Variants in FAXC observed in about 807,000 individuals in gnomAD.
FAXC encodes the protein failed axon connections homolog, metaxin like GST domain containing.
FAXC carries 10 observed loss-of-function variants against 41.9 expected under a neutral mutation model. The ratio of observed to expected loss-of-function variants is 0.24; its 90% CI spans 0.15 to 0.41. FAXC has a LOEUF of 0.41. Among genes scored for constraint, FAXC ranks in the 10% least tolerant of loss-of-function variants. FAXC has a pLI of 1.00. For synonymous variants in FAXC, 183 were observed against 183.8 expected (o/e 1.00, Z 0.03); for missense variants, 399 against 510.9 (o/e 0.78, Z 2.11).
intron 4 of FAXC, among the ~76,000 whole-genome samples, chr6:99,311,569 C>T (rs148241504): frequency 2.1e-3 from 319 of 152,028 alleles, no homozygotes; most frequent in Admixed American, 5.2e-3. Flanking sequence ...AGCAAGACTC[C>T]GTCTCAAAAA....
At chr6:99,309,111 C>T (rs1012809465) in intron 4 of FAXC, among the ~76,000 whole-genome samples, 13 of 152,074 alleles carry the variant, frequency 8.5e-5, no homozygotes, top group African/African-American at 3.1e-4. Flanking sequence ...CTGAGCCTTC[C>T]CATTCTATAT....
At chr6:99,307,106 A>G (rs1771954535) in intron 4 of FAXC, among the ~76,000 whole-genome samples, 1 of 152,164 alleles carries the variant, frequency 6.6e-6, no homozygotes, top group African/African-American at 2.4e-5. Flanking sequence ...GAAGCTTCCT[A>G]CTTCCAAAAA....
At chr6:99,336,145 G>T (rs184641271) in intron 2 of FAXC, among the ~76,000 whole-genome samples, 56 of 152,118 alleles carry the variant, frequency 3.7e-4, no homozygotes, top group Admixed American at 8.5e-4. Flanking sequence ...CAAACTCCTG[G>T]GCTCAAGCAA....
chr6:99,308,455 T>C (rs982485413), intron 4 of FAXC, among the ~76,000 whole-genome samples: 2 of 152,208 alleles, frequency 1.3e-5, no homozygotes, highest in African/African-American at 4.8e-5. Context: ...CTTTGTCAAT[T>C]TGTGCATCTT....
chr6:99,341,072 G>T (rs996191156), intron 2 of FAXC, among the ~76,000 whole-genome samples: 4 of 152,126 alleles, frequency 2.6e-5, no homozygotes, highest in Non-Finnish European at 5.9e-5. Flanking sequence ...TAATGTGTTT[G>T]TATTATAACA....
At chr6:99,328,857 C>T (rs1184313815) in intron 3 of FAXC, among the ~76,000 whole-genome samples, 1 of 152,200 alleles carries the variant, frequency 6.6e-6, no homozygotes, top group African/African-American at 2.4e-5. Context: ...TGGCCACTAA[C>T]ACTCATTCAT....
At chr6:99,282,490 G>A (rs1045722918) in intron 5 of FAXC, among the ~76,000 whole-genome samples, 9 of 152,064 alleles carry the variant, frequency 5.9e-5, no homozygotes, top group African/African-American at 9.7e-5. Context: ...CTCAGGATCC[G>A]GGTCCCACTC....
chr6:99,312,608 G>A (rs1293055577), intron 4 of FAXC, among the ~76,000 whole-genome samples: 1 of 152,010 alleles, frequency 6.6e-6, no homozygotes, highest in Non-Finnish European at 1.5e-5. Flanking sequence ...GAAAGTGAGA[G>A]CAAGCGCCTA....
chr6:99,295,763 A>T (rs1771468044), intron 4 of FAXC, among the ~76,000 whole-genome samples: 1 of 152,238 alleles, frequency 6.6e-6, no homozygotes, highest in South Asian at 2.1e-4. Context: ...ATTAACCGTA[A>T]CCATGTGGTA....
intron 5 of FAXC, among the ~76,000 whole-genome samples, chr6:99,286,908 C>T (rs1771048661): frequency 6.6e-6 from 1 of 152,142 alleles, no homozygotes; most frequent in Non-Finnish European, 1.5e-5. Flanking sequence ...TCAGACTTTG[C>T]TCATGAGAAT....
At chr6:99,343,982 C>A (rs775209157) in intron 1 of FAXC, among the ~76,000 whole-genome samples, 1 of 152,148 alleles carries the variant, frequency 6.6e-6, no homozygotes, top group Non-Finnish European at 1.5e-5. Flanking sequence ...GACTTCCCTG[C>A]ATACAGCTTT....
chr6:99,332,327 A>T (rs1175409414), intron 3 of FAXC, among the ~76,000 whole-genome samples: 1 of 152,170 alleles, frequency 6.6e-6, no homozygotes, highest in African/African-American at 2.4e-5. Flanking sequence ...AATAAAAGCT[A>T]CTGGGCCAGC....
At chr6:99,291,117 T>C (rs1771222256) in intron 5 of FAXC, among the ~76,000 whole-genome samples, 1 of 152,232 alleles carries the variant, frequency 6.6e-6, no homozygotes, top group Non-Finnish European at 1.5e-5. Flanking sequence ...GCTGCTCTGC[T>C]ACTCTTAGTG....
chr6:99,347,552 A>C (rs6925239), intron 1 of FAXC, among the ~76,000 whole-genome samples: 133,115 of 152,228 alleles, frequency 0.87, 58,696 homozygotes, highest in East Asian at 1. Context: ...CTCCAGTGAC[A>C]ACACCTGCCA....
chr6:99,323,324 A>G (rs560305353), intron 4 of FAXC, 120 bp downstream of exon 4: 10 of 830,604 alleles, frequency 1.2e-5, no homozygotes, highest in African/African-American at 8.6e-5. Flanking sequence ...ACTGCAATCT[A>G]CACATGGAAG....
At position 99,273,943 on chromosome 6, in the gene FAXC, T is replaced by C. The variant is rs1265767135; in HGVS notation, c.*7221A>G. The C allele has an allele frequency of 6.6e-6, 1 of 152,128 alleles. No individual in the cohort carries two copies. Among genetic ancestry groups the C allele is most frequent in the African/African-American group, 2.4e-5 (1 of 41,424 alleles). The allele number at this position is 152,128 out of a possible 1,614,324, so 9.4% of individuals were successfully genotyped here. ...GGGCATGCTCAGAAAGTTTTACTAA[T>C]AGGGTGAATAAACATAAACGTTTGG... On this transcript the variant is annotated 3_prime_UTR_variant, in exon 6 of 6. Transcript: ENST00000389677.
At chr6:99,293,818 C>A (rs1771354837) in intron 4 of FAXC, among the ~76,000 whole-genome samples, 1 of 151,942 alleles carries the variant, frequency 6.6e-6, no homozygotes, top group East Asian at 1.9e-4. Flanking sequence ...CCTTATACCA[C>A]ATTTACTACA....
In FAXC at chr6:99,304,641, C is replaced by T. The variant is rs1307560064; in HGVS notation, c.824-12821G>A. The stretch of plus-strand genomic sequence containing the variant: ...ATATGTATTATAACATTGTGGATTG[C>T]CTCAACTGACCTTGGGAAGTTAGTA... On this transcript the variant is annotated intron_variant, in intron 4 of 5. Transcript: ENST00000389677. Among the ~76,000 whole-genome samples, 4 of 152,110 alleles carry T rather than the reference C, an allele frequency of 2.6e-5. No individual in the cohort carries two copies. In the East Asian group the frequency reaches 7.7e-4, roughly 29 times the overall value.
At chr6:99,325,770 A>G (rs531251315) in intron 3 of FAXC, among the ~76,000 whole-genome samples, 7 of 152,354 alleles carry the variant, frequency 4.6e-5, no homozygotes, top group African/African-American at 1.4e-4. Flanking sequence ...CTGGAATTCA[A>G]TGGTTTTAGG....
Sources: allele counts gnomAD v4.1 joint callset (sites outside exome capture counted in the v4.1 genomes callset), GRCh38; gene constraint gnomAD v4.1.1; transcripts MANE v1.5; gene names NCBI Gene and HGNC (gene_info 2026-07-23, HGNC 2026-07-21).